The following CD300E variants were observed in gnomAD, a reference collection of about 807,000 sequenced individuals.
CD300E encodes CMRF35-like molecule 2.
CD300E carries 14 observed loss-of-function variants against 20.9 expected under a neutral mutation model. The ratio of observed to expected loss-of-function variants is 0.67; its 90% CI spans 0.44 to 1.05. CD300E has a LOEUF of 1.05. Ranked by LOEUF, CD300E falls within the 50% of genes least tolerant of loss-of-function variation. The pLI is 0.00. For missense variants in CD300E, 237 were observed against 253.9 expected (o/e 0.93, Z 0.45); for synonymous variants, 102 against 103.7 (o/e 0.98, Z 0.10).
chr17:74,611,368 T>A lies in CD300E; in HGVS notation c.*1285A>T, dbSNP rs115349812. ...CTGGCATCACTAGCTCAGGATGAGC[T>A]CAGGCCTGGGGGCAGAGGGGGAGCA... On this transcript the variant is annotated 3_prime_UTR_variant, in exon 4 of 4. Transcript: ENST00000392619. 0.014 allele frequency: 2,184 copies of A among 152,412 alleles called. 37 individuals carry two copies. The highest frequency in any genetic ancestry group is 0.05 in the African/African-American group (2,059 of 41,544). 9.4% of individuals were successfully genotyped at this position (152,412 alleles called of 1,614,324 possible).
At chr17:74,622,740 A>T (rs1384395681) in intron 1 of CD300E, among the ~76,000 whole-genome samples, 5 of 149,834 alleles carry the variant, frequency 3.3e-5, no homozygotes, top group African/African-American at 2.5e-5. Flanking sequence ...TGAGGATGGC[A>T]TTTTTTTTTT....
At chr17:74,622,557 C>A (rs1052515402) in intron 1 of CD300E, among the ~76,000 whole-genome samples, 1 of 152,148 alleles carries the variant, frequency 6.6e-6, no homozygotes, top group Non-Finnish European at 1.5e-5. Flanking sequence ...TGAAGAATGT[C>A]CTCTAATTTT....
intron 2 of CD300E, among the ~76,000 whole-genome samples, chr17:74,615,205 C>A (rs965341175): frequency 6.6e-6 from 1 of 152,184 alleles, no homozygotes; most frequent in Non-Finnish European, 1.5e-5. Context: ...CTAGCAGAGG[C>A]GAATGCCGGA....
chr17:74,617,487 C>G (rs1396342928), intron 1 of CD300E, 22 bp from the exon 2 acceptor site: 3 of 1,591,100 alleles, frequency 1.9e-6, no homozygotes, highest in Non-Finnish European at 2.6e-6. Context: ...AAGCCCGAGT[C>G]CCAAGTCTCC....
chr17:74,617,280 C>G lies in CD300E; in HGVS notation c.226G>C (p.Val76Leu). Reference protein sequence around the residue: ...GEEKVERNGRVSIRDHPEALA... With the variant: ...GEEKVERNGRLSIRDHPEALA... ...GCCTCCGGGTGGTCTCTGATGGACA[C>G]GCGGCCATTCCTCTCCACCTTCTCT... Residue 76 changes from valine (V) to leucine (L), a missense_variant, in exon 2 of 4, where the codon GTG becomes CTG. Coordinates refer to ENST00000392619, the MANE Select transcript of CD300E (RefSeq NM_181449.3). 1 of 1,614,218 alleles carries G rather than the reference C, an allele frequency of 6.2e-7. No individual in the cohort carries two copies. Among genetic ancestry groups the G allele is most frequent in the Non-Finnish European group, 8.5e-7 (1 of 1,180,044 alleles).
In CD300E at chr17:74,617,237, G is replaced by A. The variant is rs2030921501; in HGVS notation, c.269C>T (p.Thr90Ile). The change falls in exon 2 of 4, where the codon ACC becomes ATC. Residue 90 changes from threonine to isoleucine, a missense_variant. Transcript: ENST00000392619. Reference sequence around the variant, plus strand: ...ATCATCTTCATTGAGGTTCTGCATGGTCACAGTGAAGGCGAGAGCCTCCGG... The same window carrying A: ...ATCATCTTCATTGAGGTTCTGCATGATCACAGTGAAGGCGAGAGCCTCCGG... ...DHPEALAFTV[T>I]MQNLNEDDAG... 2 of 1,614,066 alleles carry A rather than the reference G, an allele frequency of 1.2e-6. No homozygotes were observed. Among genetic ancestry groups the A allele is most frequent in the African/African-American group, 2.7e-5 (2 of 74,918 alleles).
intron 3 of CD300E, 70 bp downstream of exon 3, chr17:74,613,855 C>T (rs527700579): frequency 9.5e-6 from 9 of 944,778 alleles, no homozygotes; most frequent in African/African-American, 3.2e-5. Flanking sequence ...GGTCACGGTG[C>T]GCCACCCCCA....
chr17:74,621,656 C>T (rs1289116630), intron 1 of CD300E, among the ~76,000 whole-genome samples: 2 of 152,136 alleles, frequency 1.3e-5, no homozygotes, highest in Non-Finnish European at 2.9e-5. Context: ...ATGGAAATAC[C>T]AGATGATGTG....
chr17:74,618,189 C>T (rs11650308), intron 1 of CD300E, among the ~76,000 whole-genome samples: 2,652 of 152,266 alleles, frequency 0.017, 37 homozygotes, highest in South Asian at 0.039. Flanking sequence ...GAAGTTGATA[C>T]GGAAGCAAAG....
chr17:74,619,206 T>C (rs571516632), intron 1 of CD300E: 5 of 465,618 alleles, frequency 1.1e-5, no homozygotes, highest in Admixed American at 4.7e-5. Context: ...CAGTGGGAGC[T>C]TGGCAGGGTA....
intron 2 of CD300E, among the ~76,000 whole-genome samples, chr17:74,616,793 G>A (rs1159867441): frequency 6.6e-6 from 1 of 152,178 alleles, no homozygotes; most frequent in Non-Finnish European, 1.5e-5. Flanking sequence ...CAAATGTACA[G>A]GAGTGTTTCT....
In CD300E at chr17:74,623,674, C is replaced by T. The variant is rs752865488; in HGVS notation, c.-53G>A. ...AGCAAATCTAGGTCCCAGCTGGAATCCAAGTATATGTAACGGAGCCTGGGT... is the reference window on the plus strand; with the variant it reads ...AGCAAATCTAGGTCCCAGCTGGAATTCAAGTATATGTAACGGAGCCTGGGT... On this transcript the variant is annotated 5_prime_UTR_variant, in exon 1 of 4. Coordinates refer to ENST00000392619, the MANE Select transcript of CD300E (RefSeq NM_181449.3). The T allele has an allele frequency of 9.4e-6, 15 of 1,598,280 alleles. No homozygotes were observed. Among genetic ancestry groups the T allele is most frequent in the African/African-American group, 4.0e-5 (3 of 74,632 alleles).
chr17:74,613,700 T>A (rs1232313261), intron 3 of CD300E, among the ~76,000 whole-genome samples: 2 of 152,148 alleles, frequency 1.3e-5, no homozygotes, highest in Non-Finnish European at 2.9e-5. Context: ...GAACTCAACC[T>A]TCGACCTGAG....
intron 1 of CD300E, chr17:74,619,309 GTTC>G (rs2030970865): frequency 1.7e-5 from 6 of 348,420 alleles, no homozygotes; most frequent in Non-Finnish European, 3.5e-5. Context: ...GCTTGGGGTT[GTTC>G]TTCTTCTGCT....
At position 74,617,845 on chromosome 17, in the gene CD300E, C is replaced by T. The variant is rs138323527; in HGVS notation, c.41-380G>A. Among the ~76,000 whole-genome samples the T allele has an allele frequency of 6.6e-4, 101 of 152,324 alleles. 1 individual carries two copies. Among genetic ancestry groups the T allele is most frequent in the African/African-American group, 2.3e-3 (96 of 41,570 alleles). ...ATATATTCTGGGGTCTTCTGAATCT[C>T]AGGCTTATTCTTTAAAAGCACAACT... On this transcript the variant is annotated intron_variant, in intron 1 of 3. Coordinates refer to ENST00000392619, the MANE Select transcript of CD300E (RefSeq NM_181449.3).
intron 1 of CD300E, chr17:74,619,054 C>G: frequency 2.1e-6 from 1 of 470,344 alleles, no homozygotes; most frequent in South Asian, 1.6e-5. Flanking sequence ...CCTGTTGCCC[C>G]GCAGCTGCAC....
At position 74,612,123 on chromosome 17, in the gene CD300E, C is replaced by T. The variant is rs1351759312; in HGVS notation, c.*530G>A. 1 of 152,638 alleles carries T rather than the reference C, an allele frequency of 6.6e-6. No individual in the cohort carries two copies. The highest frequency in any genetic ancestry group is 2.1e-4 in the South Asian group (1 of 4,856). 9.5% of individuals were successfully genotyped at this position (152,638 alleles called of 1,614,324 possible). On this transcript the variant is annotated 3_prime_UTR_variant, in exon 4 of 4. Transcript: ENST00000392619. ...TAGTTATTGCCCTGGGGGAAACTGGCCTGAGAAGCATTTGTGCCAAGAAGA... is the reference window on the plus strand; with the variant it reads ...TAGTTATTGCCCTGGGGGAAACTGGTCTGAGAAGCATTTGTGCCAAGAAGA...
chr17:74,616,512 C>G (rs7215566), intron 2 of CD300E, among the ~76,000 whole-genome samples: 29,564 of 152,014 alleles, frequency 0.19, 3,559 homozygotes, highest in African/African-American at 0.34. Flanking sequence ...TGAGGGGGAG[C>G]AGCCTGGAAG....
chr17:74,620,913 T>C (rs1024404428), intron 1 of CD300E, among the ~76,000 whole-genome samples: 2 of 151,792 alleles, frequency 1.3e-5, no homozygotes, highest in African/African-American at 4.8e-5. Context: ...TGTGGTGGCA[T>C]ACGCCTGTAA....
Sources: gnomAD v4.1 joint callset for allele counts (sites outside exome capture counted in the v4.1 genomes callset) on GRCh38, gnomAD v4.1.1 for gene constraint, MANE v1.5 for transcripts, NCBI Gene and HGNC (gene_info 2026-07-23, HGNC 2026-07-21) for gene names.